PLD1: variants seen among roughly 807,000 people sequenced by gnomAD.
PLD1 encodes the protein phospholipase D1.
In PLD1, 112 loss-of-function variants were observed where a neutral mutation model predicts 137.1. The observed-to-expected ratio is 0.82, with a 90% CI of 0.70 to 0.96. The LOEUF is 0.96. Among genes scored for constraint, PLD1 ranks in the 40% least tolerant of loss-of-function variants. The pLI, the probability that PLD1 is intolerant of heterozygous loss-of-function variation, is 0.00. For synonymous variants in PLD1, 431 were observed against 454.7 expected, an observed-to-expected ratio of 0.95 and a Z score of 0.66; for missense variants, 1,321 against 1,342.0, an observed-to-expected ratio of 0.98 and a Z score of 0.24.
At chr3:171,731,095 A>AT (rs1718905795) in intron 6 of PLD1, among the ~76,000 whole-genome samples, 1 of 152,234 alleles carries the variant, frequency 6.6e-6, no homozygotes, top group Non-Finnish European at 1.5e-5. Context: ...CCCTATAGAG[A>AT]TTAAGAACAT....
chr3:171,702,008 T>C (rs372156899), intron 11 of PLD1, among the ~76,000 whole-genome samples: 178 of 152,276 alleles, frequency 1.2e-3, no homozygotes, highest in African/African-American at 4.2e-3. Flanking sequence ...AGACTTTCCT[T>C]TCTTAAAAGA....
At chr3:171,761,973 G>A (rs1256981717) in intron 1 of PLD1, among the ~76,000 whole-genome samples, 4 of 152,152 alleles carry the variant, frequency 2.6e-5, no homozygotes, top group Non-Finnish European at 4.4e-5. Context: ...ATACAGAAAC[G>A]TAACTTTGGA....
chr3:171,676,856 G>A, intron 17 of PLD1, 23 bp from the exon 18 acceptor site: 1 of 1,531,862 alleles, frequency 6.5e-7, no homozygotes, highest in East Asian at 2.2e-5. Context: ...ACCAGGCAAG[G>A]ATCAGTCATT....
At chr3:171,676,871 T>C (rs754440487) in intron 17 of PLD1, 38 bp from the exon 18 acceptor site, 17 of 1,444,178 alleles carry the variant, frequency 1.2e-5, no homozygotes, top group Non-Finnish European at 1.6e-5. Context: ...GTCATTAACT[T>C]CAGTGTTGGG....
chr3:171,625,458 C>T (rs920903892), intron 23 of PLD1, among the ~76,000 whole-genome samples: 1 of 152,238 alleles, frequency 6.6e-6, no homozygotes, highest in Non-Finnish European at 1.5e-5. Flanking sequence ...GCAGTAACCT[C>T]TGCAGACTTA....
chr3:171,717,888 T>G (rs1016370276), intron 8 of PLD1, among the ~76,000 whole-genome samples: 2 of 152,220 alleles, frequency 1.3e-5, no homozygotes, highest in African/African-American at 4.8e-5. Context: ...CTTATTATTT[T>G]GGAGTATGTT....
chr3:171,634,881 G>A (rs1734972736), intron 23 of PLD1, among the ~76,000 whole-genome samples: 1 of 151,862 alleles, frequency 6.6e-6, no homozygotes, highest in African/African-American at 2.4e-5. Context: ...CTAATTTTAA[G>A]ACATTTTTAT....
rs1560289382 is a variant in PLD1, at chr3:171,764,940, AAGAAAG to A, written c.-31-26864_-31-26859del. On this transcript the variant is annotated intron_variant, in intron 1 of 26. Transcript: ENST00000351298. ...AGAAAGAAAGGAAAGAAAGGAAAGAAAGAAAGAAAGAAAGAAAGAAAGAAAGAAAGA... is the reference window on the plus strand; with the variant it reads ...AGAAAGAAAGGAAAGAAAGGAAAGAAAAAGAAAGAAAGAAAGAAAGAAAGA... 7.7e-4 allele frequency among the ~76,000 whole-genome samples: 14 copies of A among 18,074 alleles called. 1 individual carries two copies. The highest frequency in any genetic ancestry group is 1.0e-3 in the African/African-American group (5 of 4,918). 11.9% of individuals were successfully genotyped at this position (18,074 alleles called of 152,430 possible). A position where few individuals can be genotyped will look rare whatever the true frequency, so the allele number is the denominator to read the frequency against.
intron 19 of PLD1, among the ~76,000 whole-genome samples, chr3:171,665,112 TAAG>T (rs1265901860): frequency 6.6e-6 from 1 of 152,218 alleles, no homozygotes; most frequent in Admixed American, 6.5e-5. Flanking sequence ...CTCATTCACA[TAAG>T]ATTCAATAAA....
intron 1 of PLD1, among the ~76,000 whole-genome samples, chr3:171,782,407 T>C (rs548768966): frequency 6.6e-6 from 1 of 152,318 alleles, no homozygotes; most frequent in South Asian, 2.1e-4. Flanking sequence ...TAAATTTTAC[T>C]TCAAAAGAGA....
At chr3:171,610,969 T>A (rs1451138337) in intron 25 of PLD1, among the ~76,000 whole-genome samples, 1 of 152,176 alleles carries the variant, frequency 6.6e-6, no homozygotes. Context: ...GAAGTCTGGA[T>A]TGGTAGGAAT....
At chr3:171,715,502 G>T (rs1717607911) in intron 8 of PLD1, among the ~76,000 whole-genome samples, 1 of 152,048 alleles carries the variant, frequency 6.6e-6, no homozygotes, top group Non-Finnish European at 1.5e-5. Context: ...TTCTATTTCT[G>T]TGAAAATGTC....
At chr3:171,721,438 T>C (rs940496310) in intron 8 of PLD1, 29 of 152,214 alleles carry the variant, frequency 1.9e-4, no homozygotes, top group African/African-American at 7.0e-4. Context: ...TCACCCCAAC[T>C]GAGGAGGATG....
intron 1 of PLD1, among the ~76,000 whole-genome samples, chr3:171,794,686 A>T (rs1382974928): frequency 5.3e-4 from 2 of 3,804 alleles, no homozygotes. Flanking sequence ...CTCTAGTATT[A>T]AAAAAAAAAA....
chr3:171,611,612 C>T (rs756716942), intron 25 of PLD1: 5 of 518,756 alleles, frequency 9.6e-6, no homozygotes, highest in African/African-American at 5.8e-5. Flanking sequence ...CAGGGATCTT[C>T]GACACCTGGA....
intron 21 of PLD1, among the ~76,000 whole-genome samples, chr3:171,655,298 T>C (rs1737095610): frequency 6.6e-6 from 1 of 152,206 alleles, no homozygotes; most frequent in South Asian, 2.1e-4. Flanking sequence ...TCATGGCACC[T>C]AATTAGTGAA....
At chr3:171,673,698 C>T (rs945454735) in intron 19 of PLD1, among the ~76,000 whole-genome samples, 3 of 152,160 alleles carry the variant, frequency 2.0e-5, no homozygotes, top group Non-Finnish European at 4.4e-5. Context: ...ATCACATTCC[C>T]TAGGATCCAT....
At chr3:171,728,389 C>T (rs561471808) in intron 6 of PLD1, among the ~76,000 whole-genome samples, 11 of 147,428 alleles carry the variant, frequency 7.5e-5, no homozygotes, top group Middle Eastern at 3.4e-3. Context: ...GATTCAGTAT[C>T]ATGCATTTTT....
At chr3:171,687,244 G>T in intron 15 of PLD1, 127 bp downstream of exon 15, 1 of 725,034 alleles carries the variant, frequency 1.4e-6, no homozygotes. Flanking sequence ...GAATGATATA[G>T]CGACCTCTCA....
Sources: allele counts gnomAD v4.1 joint callset (sites outside exome capture counted in the v4.1 genomes callset), GRCh38; gene constraint gnomAD v4.1.1; transcripts MANE v1.5; gene names NCBI Gene and HGNC (gene_info 2026-07-23, HGNC 2026-07-21).